The following SH3RF3 variants were observed in gnomAD, a reference collection of about 807,000 sequenced individuals.
SH3RF3 encodes SH3 domain containing ring finger 3.
Under a neutral mutation model 66.3 loss-of-function variants are expected in SH3RF3, and 29 were observed. That is an observed-to-expected ratio of 0.44 (90% confidence interval 0.33 to 0.60). The LOEUF is 0.60. Among genes scored for constraint, SH3RF3 ranks in the 20% least tolerant of loss-of-function variants. The pLI is 0.04. For missense variants in SH3RF3, 1,194 were observed against 1,190.9 expected (o/e 1.00, Z -0.04); for synonymous variants, 583 against 532.0 (o/e 1.10, Z -1.32).
chr2:109,405,542 C>T (rs936275372), intron 4 of SH3RF3, among the ~76,000 whole-genome samples: 15 of 152,152 alleles, frequency 9.9e-5, no homozygotes, highest in East Asian at 3.9e-4. Flanking sequence ...CCGAAACTGC[C>T]GTAGCTAATC....
chr2:109,467,500 G>A (rs558038569), intron 8 of SH3RF3, among the ~76,000 whole-genome samples: 1 of 152,326 alleles, frequency 6.6e-6, no homozygotes, highest in East Asian at 1.9e-4. Flanking sequence ...AGGACAGCAG[G>A]ACTGGGGGGC....
intron 1 of SH3RF3, among the ~76,000 whole-genome samples, chr2:109,261,194 G>A (rs1339847563): frequency 2.0e-5 from 3 of 152,082 alleles, no homozygotes; most frequent in Admixed American, 2.0e-4. Flanking sequence ...GTATGGTCAG[G>A]GCCCTTTGTA....
At chr2:109,275,876 TC>T (rs1187068916) in intron 1 of SH3RF3, among the ~76,000 whole-genome samples, 1 of 152,110 alleles carries the variant, frequency 6.6e-6, no homozygotes, top group Non-Finnish European at 1.5e-5. Context: ...GTTTTTTGAG[TC>T]CACTCTAGGT....
intron 8 of SH3RF3, among the ~76,000 whole-genome samples, chr2:109,471,458 G>A (rs1678506001): frequency 6.6e-6 from 1 of 152,144 alleles, no homozygotes; most frequent in South Asian, 2.1e-4. Context: ...AGAACAGCAT[G>A]GGAGAAACTG....
At chr2:109,312,990 T>C (rs2378314) in intron 1 of SH3RF3, among the ~76,000 whole-genome samples, 46,874 of 152,014 alleles carry the variant, frequency 0.31, 8,871 homozygotes, top group African/African-American at 0.54. Context: ...TCTACAGTAA[T>C]GCGGAAGAAG....
chr2:109,151,518 A>T, intron 1 of SH3RF3, among the ~76,000 whole-genome samples: 1 of 152,380 alleles, frequency 6.6e-6, no homozygotes, highest in Non-Finnish European at 1.5e-5. Context: ...GAAATTGGTG[A>T]AATTAATTTT....
intron 6 of SH3RF3, among the ~76,000 whole-genome samples, chr2:109,435,478 G>C (rs902733296): frequency 1.3e-5 from 2 of 152,206 alleles, no homozygotes; most frequent in Non-Finnish European, 2.9e-5. Flanking sequence ...GTGCTAGGAG[G>C]CCCTGAAGTG....
chr2:109,358,169 G>T (rs962694547), intron 2 of SH3RF3, among the ~76,000 whole-genome samples: 1 of 152,268 alleles, frequency 6.6e-6, no homozygotes, highest in Middle Eastern at 3.4e-3. Flanking sequence ...CGTAATGGTT[G>T]CCTTCACTTA....
intron 1 of SH3RF3, among the ~76,000 whole-genome samples, chr2:109,163,174 A>T (rs1280458924): frequency 6.6e-6 from 1 of 152,036 alleles, no homozygotes; most frequent in Non-Finnish European, 1.5e-5. Flanking sequence ...AACTGAGCTC[A>T]CCCCCGAGGC....
intron 1 of SH3RF3, among the ~76,000 whole-genome samples, chr2:109,179,998 A>G (rs1558943105): frequency 6.6e-6 from 1 of 152,168 alleles, no homozygotes; most frequent in Non-Finnish European, 1.5e-5. Flanking sequence ...TTGGGTTGCA[A>G]GAATCAGACC....
chr2:109,389,962 C>A lies in SH3RF3; in HGVS notation c.946-8628C>A, dbSNP rs187322361. Among the ~76,000 whole-genome samples, 5 of 152,284 alleles carry A rather than the reference C, an allele frequency of 3.3e-5. No individual in the cohort carries two copies. The East Asian group carries it at 9.7e-4, about 30-fold the overall frequency. Reference sequence around the variant, plus strand: ...GCCACTCCTCTTGCTCCCCTTGTTCCTCCTCACCCACCTAAGATCTGCGAT... The same window carrying A: ...GCCACTCCTCTTGCTCCCCTTGTTCATCCTCACCCACCTAAGATCTGCGAT... On this transcript the variant is annotated intron_variant, in intron 3 of 9. Transcript: ENST00000309415.
At chr2:109,359,767 A>T (rs1683018095) in intron 2 of SH3RF3, among the ~76,000 whole-genome samples, 1 of 152,150 alleles carries the variant, frequency 6.6e-6, no homozygotes, top group Non-Finnish European at 1.5e-5. Flanking sequence ...CAGTTTCTTC[A>T]GCATCCTCAA....
intron 7 of SH3RF3, among the ~76,000 whole-genome samples, chr2:109,443,665 G>A (rs1002540417): frequency 6.6e-5 from 10 of 152,056 alleles, no homozygotes; most frequent in Non-Finnish European, 1.0e-4. Context: ...AGGCAATTTC[G>A]TAACAATAAA....
chr2:109,305,780 A>C (rs928396406), intron 1 of SH3RF3, among the ~76,000 whole-genome samples: 2 of 152,234 alleles, frequency 1.3e-5, no homozygotes, highest in African/African-American at 4.8e-5. Flanking sequence ...CAGATGCCAC[A>C]AAACTTGCTG....
chr2:109,320,849 C>T (rs1172747931), intron 1 of SH3RF3, among the ~76,000 whole-genome samples: 1 of 152,204 alleles, frequency 6.6e-6, no homozygotes, highest in African/African-American at 2.4e-5. Context: ...TGGATTCGGG[C>T]ACCAGACCAA....
rs551010347 is a variant in SH3RF3 at position 109,196,753 on chromosome 2, C to T, written c.573+66640C>T. Among the ~76,000 whole-genome samples the T allele has an allele frequency of 7.0e-4, 107 of 152,284 alleles. 1 individual carries two copies. The highest frequency in any genetic ancestry group is 2.2e-3 in the African/African-American group (93 of 41,556). Reference sequence around the variant, plus strand: ...GGAGCTGCACCACATGCCCCGTGGCCTTCTGGGCCTACTTGTGGCCAAATG... The same window carrying T: ...GGAGCTGCACCACATGCCCCGTGGCTTTCTGGGCCTACTTGTGGCCAAATG... On this transcript the variant is annotated intron_variant, in intron 1 of 9. Transcript: ENST00000309415.
intron 3 of SH3RF3, among the ~76,000 whole-genome samples, chr2:109,384,062 C>A (rs1675761777): frequency 6.6e-6 from 1 of 152,196 alleles, no homozygotes; most frequent in Admixed American, 6.5e-5. Flanking sequence ...CTCCTCCCAC[C>A]CTTAGGTTTC....
chr2:109,267,031 A>G (rs937715013), intron 1 of SH3RF3, among the ~76,000 whole-genome samples: 2 of 152,164 alleles, frequency 1.3e-5, no homozygotes, highest in African/African-American at 2.4e-5. Flanking sequence ...CTGCAGACAG[A>G]GGTGGATAAA....
chr2:109,387,028 GT>G (rs953800228), intron 3 of SH3RF3, among the ~76,000 whole-genome samples: 2 of 152,180 alleles, frequency 1.3e-5, no homozygotes, highest in African/African-American at 4.8e-5. Context: ...TCAGAAAAGT[GT>G]AAAGAAGAAA....
Sources: gnomAD v4.1 joint callset for allele counts (sites outside exome capture counted in the v4.1 genomes callset) on GRCh38, gnomAD v4.1.1 for gene constraint, MANE v1.5 for transcripts, NCBI Gene and HGNC (gene_info 2026-07-23, HGNC 2026-07-21) for gene names.